The following PRKN variants were observed in gnomAD, a reference collection of about 807,000 sequenced individuals.
PRKN encodes the protein parkin RBR E3 ubiquitin protein ligase, also known as E3 ubiquitin-protein ligase parkin.
In PRKN, 56 loss-of-function variants were observed where a neutral mutation model predicts 59.5. The observed-to-expected ratio is 0.94, with a 90% CI of 0.76 to 1.18. PRKN has a LOEUF of 1.18. Ranked by LOEUF, PRKN falls within the 50% of genes most tolerant of loss-of-function variation. The probability of loss-of-function intolerance (pLI) is 0.00; values close to 1 mark genes in which losing one functional copy is unlikely to be tolerated. For synonymous variants in PRKN, 250 were observed against 222.1 expected (o/e 1.13, Z -1.12); for missense variants, 657 against 596.4 (o/e 1.10, Z -1.06).
At chr6:161,984,088 G>C (rs1022901864) in intron 5 of PRKN, among the ~76,000 whole-genome samples, 2 of 151,892 alleles carry the variant, frequency 1.3e-5, no homozygotes, top group African/African-American at 4.8e-5. Flanking sequence ...TGGCCTCAGC[G>C]GTCAGAGTAA....
intron 6 of PRKN, among the ~76,000 whole-genome samples, chr6:161,951,624 A>G (rs189702271): frequency 1.5e-3 from 223 of 152,296 alleles, no homozygotes; most frequent in African/African-American, 5.0e-3. Context: ...AAGGAGAAAT[A>G]TAAATGTTAG....
intron 4 of PRKN, among the ~76,000 whole-genome samples, chr6:162,111,361 A>C (rs1363873934): frequency 6.6e-6 from 1 of 152,074 alleles, no homozygotes; most frequent in Non-Finnish European, 1.5e-5. Flanking sequence ...GCTACTCGGG[A>C]GGCTGAGGCA....
chr6:162,427,529 T>C (rs763347077), intron 2 of PRKN, among the ~76,000 whole-genome samples: 3 of 152,202 alleles, frequency 2.0e-5, no homozygotes, highest in Non-Finnish European at 4.4e-5. Context: ...TCTCAAAATA[T>C]GATTGAACAA....
intron 6 of PRKN, among the ~76,000 whole-genome samples, chr6:161,879,207 G>A (rs1380558200): frequency 6.6e-6 from 1 of 152,116 alleles, no homozygotes; most frequent in Non-Finnish European, 1.5e-5. Context: ...TTGCACCAGA[G>A]TCAAATATGG....
intron 1 of PRKN, among the ~76,000 whole-genome samples, chr6:162,678,286 A>G: frequency 6.6e-6 from 1 of 152,218 alleles, no homozygotes; most frequent in Non-Finnish European, 1.5e-5. Flanking sequence ...CTTTGCATGA[A>G]CATATGTTTT....
intron 1 of PRKN, among the ~76,000 whole-genome samples, chr6:162,633,904 T>C (rs1440856844): frequency 2.6e-5 from 4 of 152,154 alleles, no homozygotes; most frequent in Admixed American, 2.6e-4. Flanking sequence ...ATTTAAATAA[T>C]GTTTAAACAT....
At chr6:161,833,191 C>T (rs1159239699) in intron 6 of PRKN, among the ~76,000 whole-genome samples, 1 of 152,044 alleles carries the variant, frequency 6.6e-6, no homozygotes, top group Non-Finnish European at 1.5e-5. Flanking sequence ...GCTGGTAGCA[C>T]AGAAAATGTC....
intron 2 of PRKN, among the ~76,000 whole-genome samples, chr6:162,329,405 A>G (rs1302518744): frequency 2.6e-5 from 4 of 152,086 alleles, no homozygotes; most frequent in Admixed American, 1.3e-4. Flanking sequence ...TCCTTTTAGC[A>G]CTACAGGGTC....
In PRKN at chr6:161,442,689, CG is replaced by C. The variant is rs1380971239; in HGVS notation, c.1084-55813del. Among the ~76,000 whole-genome samples the C allele has an allele frequency of 5.9e-5, 9 of 152,292 alleles. No homozygotes were observed. In the South Asian group the frequency reaches 1.7e-3, roughly 28 times the overall value. ...GTGGCTTGGAATTTAGCTGTTCCTTCGGGGCCCCGCTTACACACCAACACCC... is the reference window on the plus strand; with the variant it reads ...GTGGCTTGGAATTTAGCTGTTCCTTCGGGCCCCGCTTACACACCAACACCC... On this transcript the variant is annotated intron_variant, in intron 9 of 11. Coordinates refer to ENST00000366898, the MANE Select transcript of PRKN (RefSeq NM_004562.3). This position sits in a 1 kb window ranked among gnomAD's most constrained non-coding sequence, Gnocchi z 4.6.
At chr6:162,351,464 A>G (rs1186904404) in intron 2 of PRKN, among the ~76,000 whole-genome samples, 1 of 152,226 alleles carries the variant, frequency 6.6e-6, no homozygotes, top group Admixed American at 6.5e-5. Flanking sequence ...TAAAACAACT[A>G]GAATTCATCT....
chr6:161,653,932 A>G (rs2128162789), intron 7 of PRKN, among the ~76,000 whole-genome samples: 2 of 152,312 alleles, frequency 1.3e-5, no homozygotes, highest in Admixed American at 1.3e-4. Context: ...ATTGCCTAGC[A>G]CAAAACAGAA....
intron 7 of PRKN, among the ~76,000 whole-genome samples, chr6:161,763,547 T>C (rs55840634): frequency 0.042 from 6,322 of 152,072 alleles, 389 homozygotes; most frequent in African/African-American, 0.13. Context: ...AGCGACCACG[T>C]TGTAAGAGGA....
intron 7 of PRKN, among the ~76,000 whole-genome samples, chr6:161,710,859 TTCCCTTTCC>T (rs1786714519): frequency 1.9e-5 from 1 of 51,550 alleles, no homozygotes; most frequent in African/African-American, 5.5e-5. Context: ...TTCCCTTCCC[TTCCCTTTCC>T]TTCCTTCCTT....
chr6:161,720,792 G>A (rs1468355136), intron 7 of PRKN, among the ~76,000 whole-genome samples: 1 of 150,192 alleles, frequency 6.7e-6, no homozygotes, highest in African/African-American at 2.5e-5. Context: ...CTATTTTTAA[G>A]TCCTGTATAT....
intron 9 of PRKN, among the ~76,000 whole-genome samples, chr6:161,510,854 A>C (rs192173760): frequency 6.6e-6 from 1 of 152,300 alleles, no homozygotes. Flanking sequence ...GTGGGCTGAA[A>C]ATGGCCCTCC....
rs1042937783 is a variant in PRKN, at chr6:161,545,216, G to GA, written c.1083+3637dup. On this transcript the variant is annotated intron_variant, in intron 9 of 11. Transcript: ENST00000366898. This position sits in a 1 kb window ranked among gnomAD's most constrained non-coding sequence, Gnocchi z 4.1. ...ACTTTTTCTATCTTGATAATTGAGG[G>GA]AAAAAAAAATTAAGCACGGGTGAAT... 254 of 1,327,782 alleles carry GA rather than the reference G, an allele frequency of 1.9e-4. No individual in the cohort carries two copies. The highest frequency in any genetic ancestry group is 7.4e-4 in the South Asian group (33 of 44,390). 82.3% of individuals were successfully genotyped at this position (1,327,782 alleles called of 1,614,324 possible).
chr6:162,321,918 T>C (rs1295677949), intron 2 of PRKN, among the ~76,000 whole-genome samples: 4 of 152,014 alleles, frequency 2.6e-5, no homozygotes, highest in African/African-American at 7.2e-5. Context: ...TGAAAGATTG[T>C]CTACTTTCCC....
intron 6 of PRKN, among the ~76,000 whole-genome samples, chr6:161,954,761 GGTTCTGGAAA>G (rs1399209105): frequency 2.0e-5 from 3 of 152,144 alleles, no homozygotes; most frequent in Non-Finnish European, 4.4e-5. Flanking sequence ...ACAGTTTGTT[GGTTCTGGAAA>G]ATGACTTTCA....
intron 7 of PRKN, among the ~76,000 whole-genome samples, chr6:161,709,801 A>G (rs1786663800): frequency 6.6e-6 from 1 of 152,234 alleles, no homozygotes; most frequent in African/African-American, 2.4e-5. Context: ...TATATGTAAA[A>G]CATCTAAGAC....
Sources: gnomAD v4.1 joint callset for allele counts (sites outside exome capture counted in the v4.1 genomes callset) on GRCh38, gnomAD v4.1.1 for gene constraint, Gnocchi (gnomAD v3.1) non-coding constraint, MANE v1.5 for transcripts, NCBI Gene and HGNC (gene_info 2026-07-23, HGNC 2026-07-21) for gene names.